ABL2: variants seen among roughly 807,000 people sequenced by gnomAD.
The protein encoded by ABL2 is tyrosine-protein kinase ABL2.
A neutral mutation model predicts 107.7 loss-of-function variants in ABL2; 49 were observed. That is an observed-to-expected ratio of 0.45 (90% CI 0.36 to 0.58). ABL2 has a LOEUF of 0.58. Among genes scored for constraint, ABL2 ranks in the 20% least tolerant of loss-of-function variants. The pLI is 0.00. For synonymous variants in ABL2, 549 were observed against 548.6 expected (o/e 1.00, Z -0.01); for missense variants, 1,245 against 1,457.0 (o/e 0.85, Z 2.37).
intron 1 of ABL2, among the ~76,000 whole-genome samples, chr1:179,219,936 A>G (rs770748403): frequency 1.3e-5 from 2 of 152,270 alleles, no homozygotes; most frequent in Non-Finnish European, 2.9e-5. Flanking sequence ...AATAAAACTG[A>G]TATTTATTGA....
chr1:179,154,702 G>C (rs1658575000), intron 1 of ABL2, among the ~76,000 whole-genome samples: 2 of 152,136 alleles, frequency 1.3e-5, no homozygotes, highest in African/African-American at 4.8e-5. Flanking sequence ...GTAGAACACA[G>C]GGATTCTTGT....
intron 1 of ABL2, among the ~76,000 whole-genome samples, chr1:179,164,349 C>G (rs1345508677): frequency 6.6e-6 from 1 of 152,150 alleles, no homozygotes; most frequent in Non-Finnish European, 1.5e-5. Flanking sequence ...TGCAGCTTCA[C>G]TTGAATTTTA....
Position 179,108,305 on chromosome 1 carries a change from G to C in ABL2, c.2962C>G (p.Pro988Ala). ...VKPKCAPPPPPVMRLLQHPSI... is the reference protein window; with the variant it reads ...VKPKCAPPPPAVMRLLQHPSI... ...GGATGCTGCAGTAGTCTCATCACTG[G>C]TGGTGGGGGTGGGGCACACTTTGGT... Residue 988 changes from proline to alanine, a missense_variant, in exon 12 of 12, where the codon CCA (proline) becomes GCA (alanine). Physicochemically the swap from Pro to Ala is conservative, Grantham distance 27 (BLOSUM62 -1). Around this residue, in one of 3 missense-constraint regions of ABL2, gnomAD observed 761 missense variants for 766.4 expected, o/e 0.99. Coordinates refer to ENST00000502732, the MANE Select transcript of ABL2 (RefSeq NM_007314.4). The C allele has an allele frequency of 6.2e-7, 1 of 1,614,078 alleles. No individual in the cohort carries two copies. The highest frequency in any genetic ancestry group is 8.5e-7 in the Non-Finnish European group (1 of 1,180,034).
chr1:179,135,782 GT>G (rs1198152363), intron 1 of ABL2, among the ~76,000 whole-genome samples: 1 of 145,520 alleles, frequency 6.9e-6, no homozygotes, highest in East Asian at 2.2e-4. Context: ...AGGTGGGGGG[GT>G]CAGCCCCCCG....
At chr1:179,131,599 A>C in intron 2 of ABL2, 118 bp from the exon 3 acceptor site, 3 of 993,626 alleles carry the variant, frequency 3.0e-6, no homozygotes, top group Non-Finnish European at 3.0e-6. Flanking sequence ...AGAACTGTAC[A>C]GTATAAAGTG....
intron 1 of ABL2, among the ~76,000 whole-genome samples, chr1:179,173,382 G>C (rs997456960): frequency 8.4e-5 from 3 of 35,604 alleles, no homozygotes; most frequent in African/African-American, 2.4e-4. Flanking sequence ...TTTTTTTTTT[G>C]AGACGGAATC....
At chr1:179,198,959 A>C (rs1321105926) in intron 1 of ABL2, among the ~76,000 whole-genome samples, 6 of 150,620 alleles carry the variant, frequency 4.0e-5, no homozygotes, top group African/African-American at 1.5e-4. Context: ...CTCCTGCCTC[A>C]GCCCCCCTAG....
At chr1:179,217,891 G>GT (rs1439801232) in intron 1 of ABL2, among the ~76,000 whole-genome samples, 4 of 152,116 alleles carry the variant, frequency 2.6e-5, no homozygotes, top group African/African-American at 9.7e-5. Flanking sequence ...ACATACATAT[G>GT]TATAACTACA....
At position 179,103,055 on chromosome 1, in the gene ABL2, G is replaced by T. The variant is rs1422802737; in HGVS notation, c.*4663C>A. The T allele has an allele frequency of 9.0e-6, 2 of 222,272 alleles. No homozygotes were observed. Among genetic ancestry groups the T allele is most frequent in the Admixed American group, 1.1e-4 (2 of 17,392 alleles). The allele number at this position is 222,272 out of a possible 1,614,324, so 13.8% of individuals were successfully genotyped here. ...TTTAGGATAAATGGCCAAGCATATA[G>T]TGGATAAATGGAGAAGAGTAAGAGG... On this transcript the variant is annotated 3_prime_UTR_variant, in exon 12 of 12. Coordinates refer to ENST00000502732, the MANE Select transcript of ABL2 (RefSeq NM_007314.4).
chr1:179,211,082 C>G (rs1415670926), intron 1 of ABL2, among the ~76,000 whole-genome samples: 1 of 151,924 alleles, frequency 6.6e-6, no homozygotes, highest in East Asian at 1.9e-4. Context: ...AAACAGAAGA[C>G]TTGAAACAAT....
At chr1:179,215,044 C>T (rs1050186190) in intron 1 of ABL2, among the ~76,000 whole-genome samples, 1 of 151,832 alleles carries the variant, frequency 6.6e-6, no homozygotes, top group Non-Finnish European at 1.5e-5. Context: ...CCTGTAGTCC[C>T]AGCTACTAGG....
chr1:179,221,891 T>C (rs1662888108), intron 1 of ABL2: 1 of 233,284 alleles, frequency 4.3e-6, no homozygotes, highest in South Asian at 7.8e-5. Context: ...AAAGATTTGG[T>C]GCCAAGGATC....
Position 179,229,640 on chromosome 1 carries a change from G to GCCGCCGCCGCCGCCGCCA in ABL2, c.-244_-243insTGGCGGCGGCGGCGGCGG, listed in dbSNP as rs1553236267. ...GCGGCTCCGCGCCCCCAACGCCGCC[G>GCCGCCGCCGCCGCCGCCA]CCGCCGCCGCCGCCACCGCCGCCGC... On this transcript the variant is annotated 5_prime_UTR_variant, in exon 1 of 12. Transcript: ENST00000502732. The GCCGCCGCCGCCGCCGCCA allele has an allele frequency of 6.0e-6, 3 of 496,918 alleles. No individual in the cohort carries two copies. Among genetic ancestry groups the GCCGCCGCCGCCGCCGCCA allele is most frequent in the East Asian group, 3.7e-5 (1 of 27,064 alleles). The allele number at this position is 496,918 out of a possible 1,614,324, so 30.8% of individuals were successfully genotyped here.
chr1:179,136,737 T>TAAATAAATAAATAA (rs1389556672), intron 1 of ABL2, among the ~76,000 whole-genome samples: 120 of 142,788 alleles, frequency 8.4e-4, no homozygotes, highest in African/African-American at 3.0e-3. Flanking sequence ...AATAAATAAA[T>TAAATAAATAAATAA]AAATAAAAAT....
At chr1:179,226,066 AAAAAG>A in intron 1 of ABL2, among the ~76,000 whole-genome samples, 1 of 147,274 alleles carries the variant, frequency 6.8e-6, no homozygotes, top group Non-Finnish European at 1.5e-5. Context: ...AAAAAAAAAA[AAAAAG>A]AAACTATGAT....
At position 179,152,201 on chromosome 1, in the gene ABL2, C is replaced by T. The variant is rs536873017; in HGVS notation, c.158-18827G>A. Among the ~76,000 whole-genome samples, 12 of 152,194 alleles carry T rather than the reference C, an allele frequency of 7.9e-5. No individual in the cohort carries two copies. The East Asian group carries it at 2.3e-3, about 29-fold the overall frequency. On this transcript the variant is annotated intron_variant, in intron 1 of 11. Transcript: ENST00000502732. ...GAGAAGCCTGAAGTTTACATTATAC[C>T]TCTGCTCTGGTCCTGAAGAATTCAC...
rs1197036659 is a variant in ABL2 at position 179,102,900 on chromosome 1, A to C, written c.*4818T>G. 1 of 226,374 alleles carries C rather than the reference A, an allele frequency of 4.4e-6. No homozygotes were observed. The highest frequency in any genetic ancestry group is 8.8e-6 in the Non-Finnish European group (1 of 113,848). The allele number at this position is 226,374 out of a possible 1,614,324, so 14.0% of individuals were successfully genotyped here. A position where few individuals can be genotyped will look rare whatever the true frequency, so the allele number is the denominator to read the frequency against. ...TTTATAACTGGTAGGAAATCCTAGA[A>C]AAGTAATTCCCAAAGTGCACTGGTT... On this transcript the variant is annotated 3_prime_UTR_variant, in exon 12 of 12. Coordinates refer to ENST00000502732, the MANE Select transcript of ABL2 (RefSeq NM_007314.4).
chr1:179,141,992 T>C (rs1572692294), intron 1 of ABL2, among the ~76,000 whole-genome samples: 1 of 152,208 alleles, frequency 6.6e-6, no homozygotes, highest in African/African-American at 2.4e-5. Flanking sequence ...TGTTACCCAG[T>C]AGCTATAGTC....
At chr1:179,112,707 A>AG (rs775809806) in intron 9 of ABL2, among the ~76,000 whole-genome samples, 12 of 151,530 alleles carry the variant, frequency 7.9e-5, no homozygotes, top group Non-Finnish European at 1.5e-4. Flanking sequence ...CTCCTGCCTC[A>AG]GCTCCCCAAG....
Sources: gnomAD v4.1 joint callset for allele counts (sites outside exome capture counted in the v4.1 genomes callset) on GRCh38, gnomAD v4.1.1 for gene constraint, gnomAD v4.1.1 regional missense constraint, MANE v1.5 for transcripts, NCBI Gene and HGNC (gene_info 2026-07-23, HGNC 2026-07-21) for gene names.